ARL15: variants seen among roughly 807,000 people sequenced by gnomAD.
The protein encoded by ARL15 is ADP-ribosylation factor-like protein 15.
A neutral mutation model predicts 25.2 loss-of-function variants in ARL15; 19 were observed. The ratio of observed to expected loss-of-function variants is 0.75; its 90% CI spans 0.53 to 1.10. The LOEUF is 1.10. Among genes scored for constraint, ARL15 ranks in the 50% least tolerant of loss-of-function variants. The probability of loss-of-function intolerance (pLI) is 0.00; values close to 1 mark genes in which losing one functional copy is unlikely to be tolerated. For missense variants in ARL15, 220 were observed against 246.0 expected (o/e 0.89, Z 0.71); for synonymous variants, 94 against 86.8 (o/e 1.08, Z -0.46).
chr5:54,269,701 G>A (rs141836244), intron 1 of ARL15, among the ~76,000 whole-genome samples: 29 of 152,080 alleles, frequency 1.9e-4, no homozygotes, highest in African/African-American at 3.1e-4. Flanking sequence ...GCTGGAGTGC[G>A]GTGGCGCGAT....
chr5:53,918,336 C>T (rs1002041561), intron 4 of ARL15, among the ~76,000 whole-genome samples: 9 of 152,010 alleles, frequency 5.9e-5, no homozygotes, highest in African/African-American at 2.2e-4. Flanking sequence ...CAAATGTGTA[C>T]TACCATGCCT....
At position 54,307,503 on chromosome 5, in the gene ARL15, A is replaced by T. The variant is rs537412648; in HGVS notation, c.48+2929T>A. Among the ~76,000 whole-genome samples the T allele has an allele frequency of 5.9e-5, 9 of 152,298 alleles. No homozygotes were observed. In the East Asian group the frequency reaches 1.7e-3, roughly 29 times the overall value. ...TCTTTCTCTCGACTGAAATCAATAAAACCCTGTCTTAAATATTAAAGTACT... is the reference window on the plus strand; with the variant it reads ...TCTTTCTCTCGACTGAAATCAATAATACCCTGTCTTAAATATTAAAGTACT... On this transcript the variant is annotated intron_variant, in intron 1 of 4. Coordinates refer to ENST00000504924, the MANE Select transcript of ARL15 (RefSeq NM_019087.3).
chr5:54,160,274 T>A (rs1453953865), intron 2 of ARL15, among the ~76,000 whole-genome samples: 2 of 152,248 alleles, frequency 1.3e-5, no homozygotes, highest in Non-Finnish European at 2.9e-5. Context: ...CTAACTTGTT[T>A]CTCTTGTTGG....
intron 4 of ARL15, among the ~76,000 whole-genome samples, chr5:54,077,909 C>T (rs553426500): frequency 1.9e-4 from 29 of 152,188 alleles, no homozygotes; most frequent in African/African-American, 5.1e-4. Flanking sequence ...GACCTTAAGA[C>T]GCCATTCCTT....
intron 4 of ARL15, among the ~76,000 whole-genome samples, chr5:53,991,931 G>T (rs985202798): frequency 1.4e-4 from 22 of 152,282 alleles, no homozygotes; most frequent in African/African-American, 5.1e-4. Flanking sequence ...AAGAAAAAAG[G>T]TATATTTTTA....
chr5:54,091,982 G>A (rs1479365776), intron 4 of ARL15, among the ~76,000 whole-genome samples: 3 of 151,496 alleles, frequency 2.0e-5, no homozygotes, highest in African/African-American at 4.9e-5. Flanking sequence ...ATGCATTTCC[G>A]CACATTCCTC....
At chr5:53,963,637 GTC>G (rs1747442380) in intron 4 of ARL15, among the ~76,000 whole-genome samples, 1 of 152,054 alleles carries the variant, frequency 6.6e-6, no homozygotes, top group Non-Finnish European at 1.5e-5. Flanking sequence ...GTGAAACCCT[GTC>G]TCTACTAAAA....
At position 54,123,894 on chromosome 5, in the gene ARL15, C is replaced by T. The variant is rs186148223; in HGVS notation, c.254-10484G>A. 2.6e-5 allele frequency among the ~76,000 whole-genome samples: 4 copies of T among 152,170 alleles called. No individual in the cohort carries two copies. In the East Asian group the frequency reaches 7.7e-4, roughly 29 times the overall value. ...CAGCACTTGGAAAGAGAAGGTTATA[C>T]AAAAGAGAGTGACACAGCATTAAAG... On this transcript the variant is annotated intron_variant, in intron 3 of 4. Coordinates refer to ENST00000504924, the MANE Select transcript of ARL15 (RefSeq NM_019087.3).
intron 1 of ARL15, among the ~76,000 whole-genome samples, chr5:54,274,868 T>C (rs1757886264): frequency 6.6e-6 from 1 of 152,172 alleles, no homozygotes; most frequent in African/African-American, 2.4e-5. Flanking sequence ...CACTCCAGTC[T>C]GGATGACAGA....
At chr5:54,157,400 G>A (rs183802922) in intron 2 of ARL15, among the ~76,000 whole-genome samples, 2 of 152,178 alleles carry the variant, frequency 1.3e-5, no homozygotes, top group East Asian at 1.9e-4. Context: ...AAGTATCCTA[G>A]CAATGTTATT....
At chr5:53,997,247 T>A (rs6884760) in intron 4 of ARL15, among the ~76,000 whole-genome samples, 40,362 of 151,968 alleles carry the variant, frequency 0.27, 5,585 homozygotes, top group East Asian at 0.46. Context: ...AAGAGTTCCC[T>A]AATCTGAGCT....
rs1248183235 is a variant in ARL15, at chr5:54,140,443, GATAGATAGATAGATAGAT to G, written c.253+14119_253+14136del. 6.5e-5 allele frequency among the ~76,000 whole-genome samples: 9 copies of G among 138,086 alleles called. No homozygotes were observed. The South Asian group carries it at 1.9e-3, about 29-fold the overall frequency. 90.6% of individuals were successfully genotyped at this position (138,086 alleles called of 152,430 possible). ...AGATAGATAGATAGATAGATAGATA[GATAGATAGATAGATAGAT>G]AGATAGAGATAGAGATAGAGATATG... On this transcript the variant is annotated intron_variant, in intron 3 of 4. Coordinates refer to ENST00000504924, the MANE Select transcript of ARL15 (RefSeq NM_019087.3).
intron 4 of ARL15, among the ~76,000 whole-genome samples, chr5:53,937,151 G>A (rs1369587968): frequency 6.6e-6 from 1 of 152,162 alleles, no homozygotes; most frequent in Non-Finnish European, 1.5e-5. Context: ...CGGTGTCAAT[G>A]GCTTTCACCT....
intron 1 of ARL15, among the ~76,000 whole-genome samples, chr5:54,211,343 C>G (rs1756035744): frequency 6.6e-6 from 1 of 152,048 alleles, no homozygotes; most frequent in African/African-American, 2.4e-5. Context: ...CATGAATAGA[C>G]CCTACTCACC....
chr5:54,153,088 TAGTAAC>T (rs1413911862), intron 3 of ARL15, among the ~76,000 whole-genome samples: 1 of 152,222 alleles, frequency 6.6e-6, no homozygotes, highest in Admixed American at 6.5e-5. Flanking sequence ...ATAAAATACT[TAGTAAC>T]AGCCATATTT....
At chr5:53,911,185 T>C (rs529245693) in intron 4 of ARL15, among the ~76,000 whole-genome samples, 1 of 152,188 alleles carries the variant, frequency 6.6e-6, no homozygotes, top group Non-Finnish European at 1.5e-5. Context: ...TGTCTTGGTA[T>C]GAGAAGCTTC....
chr5:54,150,291 C>T (rs1754030010), intron 3 of ARL15, among the ~76,000 whole-genome samples: 5 of 152,110 alleles, frequency 3.3e-5, no homozygotes, highest in African/African-American at 1.2e-4. Flanking sequence ...AGAAGTAAGA[C>T]TTTGATTCAG....
intron 4 of ARL15, among the ~76,000 whole-genome samples, chr5:54,037,448 T>C (rs931131207): frequency 6.6e-6 from 1 of 152,022 alleles, no homozygotes; most frequent in African/African-American, 2.4e-5. Context: ...TGTAAGAAAG[T>C]AATCATTTAT....
At chr5:53,959,433 A>G (rs1231669011) in intron 4 of ARL15, among the ~76,000 whole-genome samples, 2 of 152,178 alleles carry the variant, frequency 1.3e-5, no homozygotes, top group African/African-American at 4.8e-5. Flanking sequence ...CCTTGCCTTC[A>G]CAGAGGTCAT....
Sources: allele counts gnomAD v4.1 joint callset (sites outside exome capture counted in the v4.1 genomes callset), GRCh38; gene constraint gnomAD v4.1.1; transcripts MANE v1.5; gene names NCBI Gene and HGNC (gene_info 2026-07-23, HGNC 2026-07-21).